The following CADPS2 variants were observed in gnomAD, a reference collection of about 807,000 sequenced individuals.
CADPS2 encodes the protein calcium dependent secretion activator 2.
CADPS2 carries 93 observed loss-of-function variants against 172.5 expected under a neutral mutation model. The ratio of observed to expected loss-of-function variants is 0.54; its 90% CI spans 0.46 to 0.64. CADPS2 has a LOEUF of 0.64. CADPS2 is among the 30% of genes least tolerant of loss of function. The pLI is 0.00. For missense variants in CADPS2, 1,420 were observed against 1,565.9 expected, an observed-to-expected ratio of 0.91 and a Z score of 1.57; for synonymous variants, 546 against 555.2, an observed-to-expected ratio of 0.98 and a Z score of 0.23.
At position 122,702,461 on chromosome 7, in the gene CADPS2, T is replaced by C. The variant is rs2086298187; in HGVS notation, c.453+34494A>G. 1.9e-6 allele frequency: 3 copies of C among 1,613,796 alleles called. No individual in the cohort carries two copies. The highest frequency in any genetic ancestry group is 2.5e-6 in the Non-Finnish European group (3 of 1,179,776). ...GATGAGGGCCAGCCATGAGTCTGCCTGTTTGGGCCTGCTGAAATTGGTCAA... is the reference window on the plus strand; with the variant it reads ...GATGAGGGCCAGCCATGAGTCTGCCCGTTTGGGCCTGCTGAAATTGGTCAA... On this transcript the variant is annotated intron_variant, in intron 2 of 29. Transcript: ENST00000449022.
intron 1 of CADPS2, among the ~76,000 whole-genome samples, chr7:122,746,105 A>C (rs559466877): frequency 1.2e-4 from 19 of 152,276 alleles, no homozygotes; most frequent in African/African-American, 4.6e-4. Flanking sequence ...AAAAATACTT[A>C]ACACATATTA....
In CADPS2 at chr7:122,393,511, C is replaced by T; in HGVS notation, c.2818G>A (p.Asp940Asn). The T allele has an allele frequency of 3.1e-6, 5 of 1,613,856 alleles. No homozygotes were observed. Among genetic ancestry groups the T allele is most frequent in the Non-Finnish European group, 4.2e-6 (5 of 1,179,842 alleles). ...IFVPLVVRYV[D>N]LMESSIAQSI... ...TGGGCGATGGAAGACTCCATGAGAT[C>T]CACATAGCGGACAACCAAGGGTACA... The change falls in exon 21 of 30, where the codon GAT becomes AAT. Residue 940 changes from aspartate (D) to asparagine (N), a missense_variant. By Grantham distance (23) the Asp-to-Asn change is conservative (BLOSUM62 1). Transcript: ENST00000449022.
rs187297539 is a variant in CADPS2, at chr7:122,621,793, T to A, written c.868-76A>T. ...TTATCATACAAAATTGTATGATATA[T>A]ATACTTCACTGTCTTAGAAATTACA... On this transcript the variant is annotated intron_variant, in intron 4 of 29. Transcript: ENST00000449022. 4 of 785,258 alleles carry A rather than the reference T, an allele frequency of 5.1e-6. No homozygotes were observed. In the African/African-American group the frequency reaches 5.3e-5, roughly 10 times the overall value. The allele number at this position is 785,258 out of a possible 1,614,324, so 48.6% of individuals were successfully genotyped here.
intron 28 of CADPS2, among the ~76,000 whole-genome samples, chr7:122,345,271 A>T (rs1299194119): frequency 6.6e-6 from 1 of 152,078 alleles, no homozygotes; most frequent in Non-Finnish European, 1.5e-5. Context: ...GATTACAGGC[A>T]TCTACCACTA....
At chr7:122,502,405 TC>T (rs1563527111) in intron 9 of CADPS2, among the ~76,000 whole-genome samples, 1 of 152,072 alleles carries the variant, frequency 6.6e-6, no homozygotes, top group East Asian at 1.9e-4. Flanking sequence ...TGCTTTTTTT[TC>T]CTCTTTATCT....
intron 29 of CADPS2, 31 bp from the exon 30 acceptor site, chr7:122,320,369 C>A: frequency 6.4e-7 from 1 of 1,560,484 alleles, no homozygotes; most frequent in South Asian, 1.2e-5. Flanking sequence ...TTGCTTAGCT[C>A]ACTTAGATTA....
chr7:122,835,864 T>C (rs1054850542), intron 1 of CADPS2, among the ~76,000 whole-genome samples: 6 of 152,188 alleles, frequency 3.9e-5, no homozygotes, highest in African/African-American at 1.4e-4. Context: ...TGAAGGATAT[T>C]ATCCGGGAGA....
intron 3 of CADPS2, among the ~76,000 whole-genome samples, chr7:122,662,583 C>T (rs1249419708): frequency 6.6e-6 from 1 of 152,028 alleles, no homozygotes; most frequent in African/African-American, 2.4e-5. Flanking sequence ...ACCATGTTGC[C>T]CACGATGGTC....
At chr7:122,673,227 C>T (rs925073022) in intron 2 of CADPS2, among the ~76,000 whole-genome samples, 3 of 152,198 alleles carry the variant, frequency 2.0e-5, no homozygotes, top group Non-Finnish European at 4.4e-5. Context: ...GCTTCCACAG[C>T]GGGGAATGGG....
intron 1 of CADPS2, among the ~76,000 whole-genome samples, chr7:122,827,015 G>A (rs1805093928): frequency 6.6e-6 from 1 of 151,910 alleles, no homozygotes. Flanking sequence ...AAAAACAACT[G>A]GTAAACCTCC....
chr7:122,825,518 G>A (rs1446601926), intron 1 of CADPS2, among the ~76,000 whole-genome samples: 1 of 152,132 alleles, frequency 6.6e-6, no homozygotes, highest in Non-Finnish European at 1.5e-5. Flanking sequence ...AGAAGCAATA[G>A]AAAGATTGAC....
intron 1 of CADPS2, among the ~76,000 whole-genome samples, chr7:122,842,326 G>GA (rs1211820095): frequency 1.3e-5 from 2 of 152,128 alleles, no homozygotes; most frequent in East Asian, 1.9e-4. Flanking sequence ...AAAAGCAAAT[G>GA]AAAAAAATCT....
chr7:122,821,666 T>C (rs144457621), intron 1 of CADPS2, among the ~76,000 whole-genome samples: 3,808 of 152,270 alleles, frequency 0.025, 81 homozygotes, highest in Non-Finnish European at 0.037. Context: ...CAGGTGAGCC[T>C]TTATTAGTCA....
chr7:122,611,899 T>C (rs1439063677), intron 6 of CADPS2, among the ~76,000 whole-genome samples: 1 of 152,156 alleles, frequency 6.6e-6, no homozygotes, highest in East Asian at 1.9e-4. Flanking sequence ...GCAAGGTTCA[T>C]TTAACACCTG....
intron 1 of CADPS2, among the ~76,000 whole-genome samples, chr7:122,815,010 T>C (rs540933340): frequency 2.6e-5 from 4 of 152,090 alleles, no homozygotes; most frequent in East Asian, 1.9e-4. Context: ...GAACCCAACT[T>C]AGAAGGCAGA....
chr7:122,515,616 CTT>C (rs555656824), intron 8 of CADPS2, among the ~76,000 whole-genome samples: 8 of 152,028 alleles, frequency 5.3e-5, no homozygotes, highest in Admixed American at 6.6e-5. Context: ...AAGTGTCTCA[CTT>C]TGCAGACTGT....
intron 2 of CADPS2, among the ~76,000 whole-genome samples, chr7:122,668,402 T>TAAAAA (rs34006020): frequency 7.2e-6 from 1 of 138,194 alleles, no homozygotes; most frequent in African/African-American, 2.7e-5. Context: ...AAAGTATGGT[T>TAAAAA]AAAAAAAAAA....
At chr7:122,702,345 C>T in intron 2 of CADPS2, 1 of 1,613,812 alleles carries the variant, frequency 6.2e-7, no homozygotes, top group Non-Finnish European at 8.5e-7. Context: ...ACTTTACTGC[C>T]CGTACCTTGA....
At chr7:122,809,978 T>C (rs911801593) in intron 1 of CADPS2, among the ~76,000 whole-genome samples, 1 of 152,190 alleles carries the variant, frequency 6.6e-6, no homozygotes, top group Non-Finnish European at 1.5e-5. Context: ...ACATGTTCTA[T>C]GTCAAATGAG....
Sources: gnomAD v4.1 joint callset for allele counts (sites outside exome capture counted in the v4.1 genomes callset) on GRCh38, gnomAD v4.1.1 for gene constraint, MANE v1.5 for transcripts, NCBI Gene and HGNC (gene_info 2026-07-23, HGNC 2026-07-21) for gene names.